Variants in LRRC4C observed in about 807,000 individuals in gnomAD.
The protein encoded by LRRC4C is leucine-rich repeat-containing protein 4C.
In LRRC4C, 5 loss-of-function variants were observed where a neutral mutation model predicts 33.6. That is an observed-to-expected ratio of 0.15 (90% confidence interval 0.08 to 0.31). LRRC4C has a LOEUF of 0.31. Among genes scored for constraint, LRRC4C ranks in the 10% least tolerant of loss-of-function variants. The pLI, the probability that LRRC4C is intolerant of heterozygous loss-of-function variation, is 1.00. For missense variants in LRRC4C, 560 were observed against 796.7 expected, an observed-to-expected ratio of 0.70 and a Z score of 3.58; for synonymous variants, 329 against 302.0, an observed-to-expected ratio of 1.09 and a Z score of -0.93.
chr11:40,919,971 A>T (rs1957109723), intron 2 of LRRC4C, among the ~76,000 whole-genome samples: 1 of 152,168 alleles, frequency 6.6e-6, no homozygotes, highest in Admixed American at 6.6e-5. Flanking sequence ...ATCTACCTTT[A>T]CAGTGCTCAA....
intron 2 of LRRC4C, among the ~76,000 whole-genome samples, chr11:40,682,957 A>G (rs1004757642): frequency 1.3e-5 from 2 of 152,150 alleles, no homozygotes; most frequent in Non-Finnish European, 2.9e-5. Flanking sequence ...ATTATAGAAG[A>G]GAGAGGTATG....
intron 3 of LRRC4C, among the ~76,000 whole-genome samples, chr11:40,633,345 C>CT (rs1354038103): frequency 1.3e-4 from 5 of 39,114 alleles, no homozygotes; most frequent in Admixed American, 9.6e-4. Flanking sequence ...TTCTTTCTTT[C>CT]TTTCTTTCTT....
chr11:41,041,972 A>G (rs1336382702), intron 1 of LRRC4C, among the ~76,000 whole-genome samples: 3 of 152,182 alleles, frequency 2.0e-5, no homozygotes, highest in Non-Finnish European at 2.9e-5. Flanking sequence ...TAAATTTCCC[A>G]AATCAAAATA....
At chr11:40,913,418 G>A (rs998148156) in intron 2 of LRRC4C, among the ~76,000 whole-genome samples, 1 of 152,104 alleles carries the variant, frequency 6.6e-6, no homozygotes, top group African/African-American at 2.4e-5. Context: ...CAACTACATG[G>A]AAAATGAACA....
intron 2 of LRRC4C, among the ~76,000 whole-genome samples, chr11:40,895,687 T>A (rs1955908748): frequency 6.6e-6 from 1 of 152,196 alleles, no homozygotes; most frequent in Non-Finnish European, 1.5e-5. Flanking sequence ...TTTTCTCTGT[T>A]TTGTGAAAGT....
chr11:40,422,357 C>T (rs959217628), intron 3 of LRRC4C, among the ~76,000 whole-genome samples: 1 of 152,046 alleles, frequency 6.6e-6, no homozygotes, highest in African/African-American at 2.4e-5. Context: ...ACCACAGCTG[C>T]ATTATTTGAA....
At chr11:41,207,263 G>C (rs1946639139) in intron 1 of LRRC4C, among the ~76,000 whole-genome samples, 1 of 152,098 alleles carries the variant, frequency 6.6e-6, no homozygotes. Context: ...TGATTTCCAT[G>C]TTCTGGGGTA....
rs377093008 is a variant in LRRC4C, at chr11:40,871,583, G to A, written c.-407+62052C>T. On this transcript the variant is annotated intron_variant, in intron 2 of 6. Coordinates refer to ENST00000528697, the MANE Select transcript of LRRC4C (RefSeq NM_001258419.2). ...ATTACATATCAGGGAAACTGAATTG[G>A]TCATTTTGTATCCGTTTATGCACAG... Among the ~76,000 whole-genome samples, 5 of 152,134 alleles carry A rather than the reference G, an allele frequency of 3.3e-5. No individual in the cohort carries two copies. In the East Asian group the frequency reaches 5.8e-4, roughly 18 times the overall value.
chr11:40,798,770 A>C (rs1467944081), intron 2 of LRRC4C, among the ~76,000 whole-genome samples: 1 of 151,670 alleles, frequency 6.6e-6, no homozygotes, highest in Non-Finnish European at 1.5e-5. Flanking sequence ...CAGCCTCCCA[A>C]GTAGCTGGGA....
intron 1 of LRRC4C, among the ~76,000 whole-genome samples, chr11:41,214,411 A>G (rs1946947174): frequency 1.3e-5 from 2 of 151,848 alleles, no homozygotes; most frequent in South Asian, 2.1e-4. Context: ...GAAAAAACGT[A>G]TAACAATGGC....
chr11:40,728,558 G>A (rs970966719), intron 2 of LRRC4C, among the ~76,000 whole-genome samples: 2 of 149,272 alleles, frequency 1.3e-5, no homozygotes, highest in Non-Finnish European at 3.0e-5. Context: ...CCAGAGAGGC[G>A]GAGCTTACAG....
At chr11:40,234,430 A>C (rs1465850022) in intron 5 of LRRC4C, among the ~76,000 whole-genome samples, 2 of 152,132 alleles carry the variant, frequency 1.3e-5, no homozygotes, top group African/African-American at 4.8e-5. Context: ...CTATCTAGTA[A>C]GAGAAGGATG....
intron 3 of LRRC4C, among the ~76,000 whole-genome samples, chr11:40,425,849 T>A (rs1348118756): frequency 1.3e-5 from 2 of 152,132 alleles, no homozygotes; most frequent in Non-Finnish European, 2.9e-5. Context: ...GTAATTCCAT[T>A]CCACCCACTT....
intron 2 of LRRC4C, among the ~76,000 whole-genome samples, chr11:40,827,249 T>C (rs1165071508): frequency 1.3e-5 from 2 of 151,892 alleles, no homozygotes; most frequent in African/African-American, 4.8e-5. Flanking sequence ...ATGCATCTTA[T>C]TTTTCATGTC....
intron 1 of LRRC4C, among the ~76,000 whole-genome samples, chr11:41,283,330 G>C (rs1463122362): frequency 6.6e-6 from 1 of 152,096 alleles, no homozygotes. Flanking sequence ...ATTTTCATTT[G>C]AGTCAACCCT....
chr11:40,554,476 G>A (rs1957252022), intron 3 of LRRC4C, among the ~76,000 whole-genome samples: 1 of 152,036 alleles, frequency 6.6e-6, no homozygotes, highest in Non-Finnish European at 1.5e-5. Flanking sequence ...TTTTAGAATA[G>A]CTTTTTTTCT....
intron 1 of LRRC4C, among the ~76,000 whole-genome samples, chr11:41,029,872 C>T (rs371895910): frequency 7.1e-4 from 108 of 151,538 alleles, no homozygotes; most frequent in Admixed American, 5.5e-3. Context: ...AAAGATGGTC[C>T]GGGAAAACAC....
intron 4 of LRRC4C, among the ~76,000 whole-genome samples, chr11:40,318,814 C>T (rs1945702635): frequency 6.6e-6 from 1 of 152,068 alleles, no homozygotes; most frequent in Non-Finnish European, 1.5e-5. Flanking sequence ...TAAGTAAAAA[C>T]ATAAATGGTA....
intron 3 of LRRC4C, among the ~76,000 whole-genome samples, chr11:40,336,415 C>T (rs946009418): frequency 1.3e-5 from 2 of 152,216 alleles, no homozygotes; most frequent in African/African-American, 2.4e-5. Flanking sequence ...TATATGAAGA[C>T]GCCTGGACAA....
Sources: gnomAD v4.1 joint callset for allele counts (sites outside exome capture counted in the v4.1 genomes callset) on GRCh38, gnomAD v4.1.1 for gene constraint, MANE v1.5 for transcripts, NCBI Gene and HGNC (gene_info 2026-07-23, HGNC 2026-07-21) for gene names.